The following FSCN1 variants were observed in gnomAD, a reference collection of about 807,000 sequenced individuals.
FSCN1 encodes the protein fascin.
A neutral mutation model predicts 39.7 loss-of-function variants in FSCN1; 10 were observed. That is an observed-to-expected ratio of 0.25 (90% CI 0.16 to 0.43). FSCN1 has a LOEUF of 0.43. FSCN1 is among the 20% of genes least tolerant of loss of function. The probability of loss-of-function intolerance (pLI) is 1.00; values close to 1 mark genes in which losing one functional copy is unlikely to be tolerated. For synonymous variants in FSCN1, 322 were observed against 320.0 expected, an observed-to-expected ratio of 1.01 and a Z score of -0.07; for missense variants, 525 against 723.8, an observed-to-expected ratio of 0.73 and a Z score of 3.15.
At position 5,593,527 on chromosome 7, in the gene FSCN1, C is replaced by T; in HGVS notation, c.591C>T (p.Arg197=). The change falls in exon 1 of 5, where the codon CGC becomes CGT. Residue 197 remains arginine, a synonymous_variant. Transcript: ENST00000382361. ...SVQTADHRFL[R]HDGRLVARPE... ...AGACCGCCGACCACCGCTTCCTGCG[C>T]CACGACGGGCGCCTGGTGGCGCGCC... is the stretch of plus-strand genomic sequence containing the variant. The T allele has an allele frequency of 1.2e-6, 2 of 1,601,294 alleles. No individual in the cohort carries two copies. The highest frequency in any genetic ancestry group is 1.7e-6 in the Non-Finnish European group (2 of 1,177,134).
At chr7:5,604,612 G>A (rs189348192) in intron 4 of FSCN1, among the ~76,000 whole-genome samples, 3,546 of 151,866 alleles carry the variant, frequency 0.023, 59 homozygotes, top group Non-Finnish European at 0.038. Flanking sequence ...GGGATTACAG[G>A]TGTGCACCAC....
chr7:5,603,000 G>A (rs1640235), intron 1 of FSCN1: 77,307 of 541,562 alleles, frequency 0.14, 10,124 homozygotes, highest in African/African-American at 0.52. Context: ...ATGAGCCCCT[G>A]TCCCTGGCCC....
chr7:5,601,234 G>A (rs375856126), intron 1 of FSCN1, among the ~76,000 whole-genome samples: 1 of 88,314 alleles, frequency 1.1e-5, no homozygotes, highest in African/African-American at 4.6e-5. Flanking sequence ...ATGGATTCTT[G>A]CTCTGTCGCC....
chr7:5,600,317 G>C (rs934044040), intron 1 of FSCN1, among the ~76,000 whole-genome samples: 39 of 151,704 alleles, frequency 2.6e-4, no homozygotes, highest in African/African-American at 9.4e-4. Flanking sequence ...AGGAGGCTGA[G>C]GCAGGAGAAT....
rs1439807520 is a variant in FSCN1, at chr7:5,605,548, C to A, written c.*74C>A. On this transcript the variant is annotated 3_prime_UTR_variant, in exon 5 of 5. Transcript: ENST00000382361. This position sits in a 1 kb window ranked among gnomAD's most constrained non-coding sequence, Gnocchi z 6.9. ...CCCTCCCTGCTAACCCCTTCTCCGC[C>A]AGGTGGGCTCCAGGGCGGGAGGCAA... The A allele has an allele frequency of 2.6e-6, 3 of 1,157,164 alleles. No homozygotes were observed. The East Asian group carries it at 7.7e-5, about 30-fold the overall frequency. The allele number at this position is 1,157,164 out of a possible 1,614,324, so 71.7% of individuals were successfully genotyped here. A position where few individuals can be genotyped will look rare whatever the true frequency, so the allele number is the denominator to read the frequency against.
chr7:5,600,447 G>C (rs1289187775), intron 1 of FSCN1, among the ~76,000 whole-genome samples: 1 of 152,076 alleles, frequency 6.6e-6, no homozygotes, highest in Admixed American at 6.6e-5. Flanking sequence ...CTATAGCTTA[G>C]GGGAGCAAAA....
Position 5,592,911 on chromosome 7 carries a change from G to C in FSCN1, c.-26G>C. The C allele has an allele frequency of 2.1e-6, 3 of 1,406,242 alleles. No homozygotes were observed. Among genetic ancestry groups the C allele is most frequent in the Non-Finnish European group, 2.8e-6 (3 of 1,058,122 alleles). The allele number at this position is 1,406,242 out of a possible 1,614,324, so 87.1% of individuals were successfully genotyped here. ...CCCGCCACCCACCTCCCGGGGCCGC[G>C]CAGCGGCCTCTCGTCTACTGCCACC... is the stretch of plus-strand genomic sequence containing the variant. On this transcript the variant is annotated 5_prime_UTR_variant, in exon 1 of 5. Transcript: ENST00000382361. The surrounding 1 kb of genome is among the most constrained non-coding windows in gnomAD (Gnocchi z 5.3).
chr7:5,594,050 C>CCA lies in FSCN1; in HGVS notation c.832+283_832+284insAC, dbSNP rs1785683706. 3 of 409,570 alleles carry CCA rather than the reference C, an allele frequency of 7.3e-6. 1 individual carries two copies. Among genetic ancestry groups the CCA allele is most frequent in the African/African-American group, 2.1e-5 (1 of 46,594 alleles). The allele number at this position is 409,570 out of a possible 1,614,324, so 25.4% of individuals were successfully genotyped here. A position where few individuals can be genotyped will look rare whatever the true frequency, so the allele number is the denominator to read the frequency against. On this transcript the variant is annotated intron_variant, in intron 1 of 4. Coordinates refer to ENST00000382361, the MANE Select transcript of FSCN1 (RefSeq NM_003088.4). ...ACCGTACGTGCACCCTCCTAACCCCCCCCCCCGCCCAATCTTGGCTCTCCC... is the reference window on the plus strand; with the variant it reads ...ACCGTACGTGCACCCTCCTAACCCCCCACCCCCCGCCCAATCTTGGCTCTCCC...
Position 5,603,672 on chromosome 7 carries a change from C to T in FSCN1, c.1111+55C>T. On this transcript the variant is annotated intron_variant, in intron 3 of 4. Coordinates refer to ENST00000382361, the MANE Select transcript of FSCN1 (RefSeq NM_003088.4). This position sits in a 1 kb window ranked among gnomAD's most constrained non-coding sequence, Gnocchi z 8.5. Reference sequence around the variant, plus strand: ...CGTCCTGGAGTCCTGGAGGGTCTGGCCATGCCGTGGTCACTTGGTAGCCCC... The same window carrying T: ...CGTCCTGGAGTCCTGGAGGGTCTGGTCATGCCGTGGTCACTTGGTAGCCCC... 9 of 1,609,502 alleles carry T rather than the reference C, an allele frequency of 5.6e-6. No homozygotes were observed. The highest frequency in any genetic ancestry group is 7.6e-6 in the Non-Finnish European group (9 of 1,177,202).
chr7:5,594,451 G>C (rs1486684043), intron 1 of FSCN1: 1 of 152,470 alleles, frequency 6.6e-6, no homozygotes, highest in African/African-American at 2.4e-5. Context: ...TGAGCAGGGG[G>C]GCGGGTCGCC....
Position 5,605,451 on chromosome 7 carries a change from C to T in FSCN1, c.1459C>T (p.Pro487Ser). The T allele has an allele frequency of 6.3e-7, 1 of 1,591,240 alleles. No homozygotes were observed. The highest frequency in any genetic ancestry group is 8.6e-7 in the Non-Finnish European group (1 of 1,169,056). ...VLKASAETVD[P>S]ASLWEY ...GAAGGCCTCGGCGGAAACCGTGGAC[C>T]CCGCCTCGCTCTGGGAGTACTAGGG... is the stretch of plus-strand genomic sequence containing the variant. Residue 487 changes from proline to serine, a missense_variant, in exon 5 of 5, where the codon CCC becomes TCC. Pro to Ser is a moderately conservative substitution (Grantham distance 74). This residue lies in a region of FSCN1 where 275 missense variants were observed against 351.9 expected (regional missense o/e 0.78). Transcript: ENST00000382361. This position sits in a 1 kb window ranked among gnomAD's most constrained non-coding sequence, Gnocchi z 6.9.
chr7:5,596,610 C>T (rs1785734931), intron 1 of FSCN1, among the ~76,000 whole-genome samples: 1 of 152,296 alleles, frequency 6.6e-6, no homozygotes, highest in East Asian at 1.9e-4. Context: ...TCTCTCACAT[C>T]TGGGAGTCCT....
chr7:5,596,743 C>G (rs114165650), intron 1 of FSCN1, among the ~76,000 whole-genome samples: 1,783 of 152,314 alleles, frequency 0.012, 28 homozygotes, highest in East Asian at 0.052. Context: ...AAGGGCTCGT[C>G]AAGCTGGGCT....
chr7:5,604,135 C>G, intron 4 of FSCN1, 105 bp downstream of exon 4: 1 of 1,101,844 alleles, frequency 9.1e-7, no homozygotes. Flanking sequence ...CCTGGCTTGG[C>G]TCAGGGCCAT....
chr7:5,596,725 G>C (rs996132713), intron 1 of FSCN1, among the ~76,000 whole-genome samples: 10 of 152,238 alleles, frequency 6.6e-5, no homozygotes, highest in Admixed American at 5.9e-4. Flanking sequence ...GAGGAGGGCT[G>C]ACTGAGGAAG....
intron 1 of FSCN1, among the ~76,000 whole-genome samples, chr7:5,600,742 C>G (rs1785811492): frequency 6.6e-6 from 1 of 151,916 alleles, no homozygotes; most frequent in Non-Finnish European, 1.5e-5. Context: ...CAAGCTCCAC[C>G]TCCCGGGTTC....
chr7:5,603,397 T>C lies in FSCN1; in HGVS notation c.973T>C (p.Ser325Pro), dbSNP rs757583431. 6.2e-7 allele frequency: 1 copy of C among 1,613,488 alleles called. No homozygotes were observed. Among genetic ancestry groups the C allele is most frequent in the East Asian group, 2.2e-5 (1 of 44,868 alleles). The change falls in exon 2 of 5, where the codon TCC (serine) becomes CCC (proline). Residue 325 changes from serine to proline, a missense_variant. By Grantham distance (74) the Ser-to-Pro change is moderately conservative (BLOSUM62 -1). Coordinates refer to ENST00000382361, the MANE Select transcript of FSCN1 (RefSeq NM_003088.4). This position sits in a 1 kb window ranked among gnomAD's most constrained non-coding sequence, Gnocchi z 8.5. ...GCTGACGGCCACCGGGGGCGTGCAGTCCACCGCCTCCAGCAAGTGAGTGCC... is the reference window on the plus strand; with the variant it reads ...GCTGACGGCCACCGGGGGCGTGCAGCCCACCGCCTCCAGCAAGTGAGTGCC... ...WTLTATGGVQSTASSKNASCY... is the reference protein window; with the variant it reads ...WTLTATGGVQPTASSKNASCY...
chr7:5,593,830 C>T (rs1785678042), intron 1 of FSCN1, 62 bp downstream of exon 1: 7 of 1,133,886 alleles, frequency 6.2e-6, no homozygotes, highest in Non-Finnish European at 8.6e-6. Context: ...CCACCCGCGC[C>T]CCTCCAGCCT....
At chr7:5,594,043 T>G in intron 1 of FSCN1, 7 of 336,696 alleles carry the variant, frequency 2.1e-5, no homozygotes, top group East Asian at 5.0e-5. Flanking sequence ...TGCACCCTCC[T>G]AACCCCCCCC....
Sources: allele counts gnomAD v4.1 joint callset (sites outside exome capture counted in the v4.1 genomes callset), GRCh38; gene constraint gnomAD v4.1.1; regional missense constraint gnomAD v4.1.1; non-coding constraint Gnocchi (gnomAD v3.1); transcripts MANE v1.5; gene names NCBI Gene and HGNC (gene_info 2026-07-23, HGNC 2026-07-21).